ARHGAP24: variants seen among roughly 807,000 people sequenced by gnomAD.
ARHGAP24 encodes the protein Rho GTPase activating protein 24, also known as rho GTPase-activating protein 24.
ARHGAP24 carries 50 observed loss-of-function variants against 76.4 expected under a neutral mutation model. The ratio of observed to expected loss-of-function variants is 0.65; its 90% CI spans 0.52 to 0.83. The LOEUF (loss-of-function observed/expected upper bound fraction) is 0.83, where lower values mean the gene tolerates loss of function less well. Among genes scored for constraint, ARHGAP24 ranks in the 40% least tolerant of loss-of-function variants. ARHGAP24 has a pLI of 0.00. For missense variants in ARHGAP24, 930 were observed against 914.2 expected (o/e 1.02, Z -0.22); for synonymous variants, 345 against 323.3 (o/e 1.07, Z -0.72).
chr4:85,681,410 C>G (rs1723199672), intron 2 of ARHGAP24, among the ~76,000 whole-genome samples: 2 of 152,154 alleles, frequency 1.3e-5, no homozygotes, highest in African/African-American at 4.8e-5. Flanking sequence ...GCATTTGATA[C>G]AATTAAACAT....
intron 3 of ARHGAP24, among the ~76,000 whole-genome samples, chr4:85,885,196 A>G (rs1052838761): frequency 6.6e-6 from 1 of 151,990 alleles, no homozygotes; most frequent in African/African-American, 2.4e-5. Flanking sequence ...CCTTTATGTA[A>G]AGTTTAATAT....
At chr4:85,528,694 A>C (rs1725125646) in intron 1 of ARHGAP24, among the ~76,000 whole-genome samples, 1 of 152,124 alleles carries the variant, frequency 6.6e-6, no homozygotes, top group Admixed American at 6.6e-5. Flanking sequence ...AGTAAAGTTC[A>C]AACAGATTAA....
At chr4:85,980,172 C>T (rs1261487242) in intron 8 of ARHGAP24, among the ~76,000 whole-genome samples, 1 of 152,164 alleles carries the variant, frequency 6.6e-6, no homozygotes, top group Non-Finnish European at 1.5e-5. Context: ...ATACTCATTG[C>T]TACTGGCTTG....
intron 3 of ARHGAP24, among the ~76,000 whole-genome samples, chr4:85,772,198 T>G (rs1342290287): frequency 6.6e-6 from 1 of 152,158 alleles, no homozygotes; most frequent in Non-Finnish European, 1.5e-5. Context: ...ATCATCGTCT[T>G]TAGGTCAGTA....
At chr4:85,955,484 T>A (rs371743411) in intron 5 of ARHGAP24, among the ~76,000 whole-genome samples, 1 of 152,328 alleles carries the variant, frequency 6.6e-6, no homozygotes, top group East Asian at 1.9e-4. Flanking sequence ...CTGAAGGATT[T>A]AGGGAAGTAT....
chr4:85,738,365 C>T (rs1725680530), intron 3 of ARHGAP24, among the ~76,000 whole-genome samples: 1 of 128,998 alleles, frequency 7.8e-6, no homozygotes, highest in African/African-American at 3.0e-5. Flanking sequence ...TTCATTTGGG[C>T]TTTTATTATT....
chr4:85,904,120 T>C (rs1160833949), intron 3 of ARHGAP24, among the ~76,000 whole-genome samples: 1 of 152,214 alleles, frequency 6.6e-6, no homozygotes, highest in Non-Finnish European at 1.5e-5. Flanking sequence ...CTTGAATTGC[T>C]GTAAGAAATA....
At chr4:85,993,399 T>G (rs534829587) in intron 8 of ARHGAP24, among the ~76,000 whole-genome samples, 11 of 152,352 alleles carry the variant, frequency 7.2e-5, no homozygotes, top group African/African-American at 2.6e-4. Flanking sequence ...GCAGTAGATC[T>G]TGCTTATTGC....
rs888869442 is a variant in ARHGAP24 at position 85,841,923 on chromosome 4, T to A, written c.269-81725T>A. On this transcript the variant is annotated intron_variant, in intron 3 of 9. Transcript: ENST00000395184. ...ACCAGCCACTGGTTGTACCAGCCAC[T>A]GTTCTAAGCATTCACACACAAGCCC... is the stretch of plus-strand genomic sequence containing the variant. Among the ~76,000 whole-genome samples the A allele has an allele frequency of 3.9e-5, 6 of 152,336 alleles. No individual in the cohort carries two copies. The East Asian group carries it at 9.6e-4, about 24-fold the overall frequency.
intron 9 of ARHGAP24, 35 bp from the exon 10 acceptor site, chr4:86,000,444 T>TGGGGG: frequency 4.9e-6 from 3 of 616,722 alleles, no homozygotes; most frequent in African/African-American, 1.9e-5. Flanking sequence ...TACTCTTGCG[T>TGGGGG]CCCCACCCCC....
intron 4 of ARHGAP24, chr4:85,931,118 T>G: frequency 6.9e-7 from 1 of 1,443,040 alleles, no homozygotes; most frequent in East Asian, 2.5e-5. Context: ...CTGTTTATGC[T>G]CAGATAAAAT....
intron 3 of ARHGAP24, among the ~76,000 whole-genome samples, chr4:85,866,806 T>G (rs1732224151): frequency 6.6e-6 from 1 of 152,092 alleles, no homozygotes; most frequent in Non-Finnish European, 1.5e-5. Flanking sequence ...TCACAGTGTC[T>G]GTTCCCAAGA....
intron 5 of ARHGAP24, among the ~76,000 whole-genome samples, chr4:85,948,268 G>A (rs1232960854): frequency 6.6e-6 from 1 of 152,104 alleles, no homozygotes; most frequent in East Asian, 1.9e-4. Context: ...AAATTAGCAA[G>A]AAATATGTCA....
intron 2 of ARHGAP24, among the ~76,000 whole-genome samples, chr4:85,616,740 G>T (rs983332760): frequency 5.3e-5 from 8 of 152,068 alleles, no homozygotes; most frequent in African/African-American, 1.9e-4. Flanking sequence ...CTATTCTTGT[G>T]CCCCAGCCTC....
intron 1 of ARHGAP24, among the ~76,000 whole-genome samples, chr4:85,475,842 T>C (rs921488696): frequency 5.9e-5 from 9 of 152,080 alleles, no homozygotes; most frequent in East Asian, 1.9e-4. Context: ...GTAGTATGTC[T>C]TTCTGGCTTT....
At chr4:85,954,570 C>G (rs547334151) in intron 5 of ARHGAP24, among the ~76,000 whole-genome samples, 5 of 152,304 alleles carry the variant, frequency 3.3e-5, no homozygotes, top group African/African-American at 1.2e-4. Context: ...GATCCTTGCT[C>G]GTGCTCCCTT....
chr4:85,942,092 A>G lies in ARHGAP24; in HGVS notation c.418A>G (p.Thr140Ala). The G allele has an allele frequency of 1.2e-6, 2 of 1,613,826 alleles. No individual in the cohort carries two copies. Among genetic ancestry groups the G allele is most frequent in the Non-Finnish European group, 1.7e-6 (2 of 1,179,970 alleles). The change falls in exon 5 of 10, where the codon ACT (threonine) becomes GCT (alanine). Residue 140 changes from threonine to alanine, a missense_variant. Transcript: ENST00000395184. ...CATTTTTGGACAGAAACTGGAGGAT[A>G]CTGTTCGTTATGAGAAGAGATATGG... Reference protein sequence around the residue: ...GGIFGQKLEDTVRYEKRYGNR... With the variant: ...GGIFGQKLEDAVRYEKRYGNR...
intron 2 of ARHGAP24, among the ~76,000 whole-genome samples, chr4:85,659,746 CT>C (rs1380542655): frequency 1.3e-5 from 2 of 152,042 alleles, no homozygotes; most frequent in Admixed American, 1.3e-4. Context: ...GTGAAGAGGA[CT>C]TTTTCAGGGT....
At chr4:85,510,979 T>C (rs1372760601) in intron 1 of ARHGAP24, among the ~76,000 whole-genome samples, 1 of 152,202 alleles carries the variant, frequency 6.6e-6, no homozygotes, top group Non-Finnish European at 1.5e-5. Context: ...CTAGTATTAG[T>C]CTGTTTCTTC....
Sources: allele counts gnomAD v4.1 joint callset (sites outside exome capture counted in the v4.1 genomes callset), GRCh38; gene constraint gnomAD v4.1.1; transcripts MANE v1.5; gene names NCBI Gene and HGNC (gene_info 2026-07-23, HGNC 2026-07-21).